The following DENND1B variants were observed in gnomAD, a reference collection of about 807,000 sequenced individuals.
DENND1B encodes the protein DENN domain containing 1B, also known as DENN domain-containing protein 1B.
In DENND1B, 59 loss-of-function variants were observed where a neutral mutation model predicts 90.1. The observed-to-expected ratio is 0.65, with a 90% CI of 0.53 to 0.81. The LOEUF (loss-of-function observed/expected upper bound fraction) is 0.81. DENND1B is among the 40% of genes least tolerant of loss of function. The probability of loss-of-function intolerance (pLI) is 0.00; values close to 1 mark genes in which losing one functional copy is unlikely to be tolerated. For missense variants in DENND1B, 862 were observed against 912.6 expected (o/e 0.94, Z 0.71); for synonymous variants, 337 against 324.6 (o/e 1.04, Z -0.41).
At chr1:197,665,975 T>C (rs1310650048) in intron 5 of DENND1B, among the ~76,000 whole-genome samples, 1 of 152,134 alleles carries the variant, frequency 6.6e-6, no homozygotes, top group Non-Finnish European at 1.5e-5. Context: ...CACAGTAGAA[T>C]ACCTACAAAT....
chr1:197,553,099 C>G lies in DENND1B; in HGVS notation c.1163G>C (p.Arg388Pro). 6.6e-7 allele frequency: 1 copy of G among 1,521,942 alleles called. No individual in the cohort carries two copies. The highest frequency in any genetic ancestry group is 8.8e-7 in the Non-Finnish European group (1 of 1,141,670). 94.3% of individuals were successfully genotyped at this position (1,521,942 alleles called of 1,614,324 possible). A position where few individuals can be genotyped will look rare whatever the true frequency, so the allele number is the denominator to read the frequency against. Reference protein sequence around the residue: ...LQLFKQFIDGRLAKLNAGRGF... With the variant: ...LQLFKQFIDGPLAKLNAGRGF... ...CCTTCCTGCATTTAGTTTTGCCAGT[C>G]GACCATCGATAAACTAGAATTAAAA... The change falls in exon 16 of 23, where the codon CGA (arginine) becomes CCA (proline). Residue 388 changes from arginine (R) to proline (P), a missense_variant. Arg to Pro is a moderately radical substitution (Grantham distance 103). Transcript: ENST00000620048.
At chr1:197,552,679 C>T (rs1671337529) in intron 16 of DENND1B, 2 of 1,047,386 alleles carry the variant, frequency 1.9e-6, no homozygotes, top group African/African-American at 1.7e-5. Flanking sequence ...TCAGTAATAA[C>T]CATCACTAGT....
At chr1:197,777,501 G>C (rs1244253110), upstream of DENND1B, among the ~76,000 whole-genome samples, 1 of 152,150 alleles carries the variant, frequency 6.6e-6, no homozygotes, top group Non-Finnish European at 1.5e-5. Flanking sequence ...CTACATGCAT[G>C]AGGTGTTAAA....
intron 13 of DENND1B, among the ~76,000 whole-genome samples, chr1:197,602,337 T>C (rs1360904773): frequency 1.3e-5 from 2 of 151,506 alleles, no homozygotes; most frequent in South Asian, 2.1e-4. Context: ...TACACCTAGA[T>C]GCCTGAGTTC....
intron 3 of DENND1B, among the ~76,000 whole-genome samples, chr1:197,701,552 G>T (rs1383151493): frequency 6.6e-6 from 1 of 151,194 alleles, no homozygotes; most frequent in East Asian, 1.9e-4. Context: ...CCCTTCCCCG[G>T]CTTTTTTTTT....
At chr1:197,662,564 CT>C (rs1260708740) in intron 5 of DENND1B, among the ~76,000 whole-genome samples, 1 of 151,844 alleles carries the variant, frequency 6.6e-6, no homozygotes, top group Non-Finnish European at 1.5e-5. Context: ...TATAGCGAGC[CT>C]TTTTTAAAAA....
chr1:197,583,817 C>T (rs775429999), intron 14 of DENND1B, among the ~76,000 whole-genome samples: 3 of 152,142 alleles, frequency 2.0e-5, no homozygotes, highest in Non-Finnish European at 4.4e-5. Flanking sequence ...TTTTTGCAAG[C>T]GTCTTGTGGT....
At chr1:197,738,595 G>T (rs972115130) in intron 2 of DENND1B, among the ~76,000 whole-genome samples, 1 of 152,132 alleles carries the variant, frequency 6.6e-6, no homozygotes, top group African/African-American at 2.4e-5. Context: ...GAACTTCCAT[G>T]GTAACTATAT....
chr1:197,511,726 A>G lies in DENND1B; in HGVS notation c.1815+2T>C. 2 of 1,585,728 alleles carry G rather than the reference A, an allele frequency of 1.3e-6. No individual in the cohort carries two copies. Among genetic ancestry groups the G allele is most frequent in the Non-Finnish European group, 1.7e-6 (2 of 1,168,760 alleles). ...TTTATAAGTAAAAAAAAATCTACTA[A>G]CCGTAGGTTTGTAATCAATGTCATC... is the stretch of plus-strand genomic sequence containing the variant. On this transcript the variant is annotated splice_donor_variant, in intron 22 of 22. Transcript: ENST00000620048. LOFTEE classifies it high-confidence loss of function.
At chr1:197,574,401 T>C (rs1374454875) in intron 15 of DENND1B, among the ~76,000 whole-genome samples, 1 of 152,160 alleles carries the variant, frequency 6.6e-6, no homozygotes, top group Non-Finnish European at 1.5e-5. Context: ...GAAGGACCTC[T>C]TCAAGGAGAA....
intron 15 of DENND1B, among the ~76,000 whole-genome samples, chr1:197,555,009 AG>A (rs756486549): frequency 1.1e-4 from 17 of 152,178 alleles, no homozygotes; most frequent in Admixed American, 4.6e-4. Context: ...AACAGAATAG[AG>A]ACACCTGAAA....
At chr1:197,769,299 A>G (rs530903196) in intron 2 of DENND1B, among the ~76,000 whole-genome samples, 4 of 152,116 alleles carry the variant, frequency 2.6e-5, no homozygotes, top group Non-Finnish European at 5.9e-5. Context: ...CTTTACCTCT[A>G]CCCCACCAAT....
chr1:197,780,200 A>T (rs1322405607), upstream of DENND1B, among the ~76,000 whole-genome samples: 2 of 152,134 alleles, frequency 1.3e-5, no homozygotes, highest in African/African-American at 4.8e-5. Flanking sequence ...CTTTATGAAG[A>T]GTATCCTGTT....
At chr1:197,612,898 T>G (rs1481929506) in intron 11 of DENND1B, among the ~76,000 whole-genome samples, 1 of 150,640 alleles carries the variant, frequency 6.6e-6, no homozygotes, top group Non-Finnish European at 1.5e-5. Context: ...AAGAAGAAAA[T>G]TATTCAACTT....
At chr1:197,756,769 G>T (rs988485616) in intron 2 of DENND1B, among the ~76,000 whole-genome samples, 6 of 151,462 alleles carry the variant, frequency 4.0e-5, no homozygotes, top group Admixed American at 2.6e-4. Flanking sequence ...TTAGATACTT[G>T]TGTGTAATAA....
intron 2 of DENND1B, among the ~76,000 whole-genome samples, chr1:197,744,547 G>A (rs865815797): frequency 8.6e-5 from 13 of 152,028 alleles, no homozygotes; most frequent in African/African-American, 1.9e-4. Flanking sequence ...TAGAATATTC[G>A]ATAAGCCATG....
intron 11 of DENND1B, among the ~76,000 whole-genome samples, chr1:197,616,791 C>T (rs957857831): frequency 6.6e-6 from 1 of 151,102 alleles, no homozygotes; most frequent in African/African-American, 2.4e-5. Context: ...TAAGCAAACA[C>T]ATTAAGGTCA....
At chr1:197,513,126 C>A (rs1346353922) in intron 20 of DENND1B, among the ~76,000 whole-genome samples, 173 bp from the exon 21 acceptor site, 1 of 150,358 alleles carries the variant, frequency 6.7e-6, no homozygotes, top group Non-Finnish European at 1.5e-5. Flanking sequence ...GAAAGGGAAG[C>A]AATAAGGTAT....
intron 15 of DENND1B, among the ~76,000 whole-genome samples, chr1:197,566,888 A>G (rs944031841): frequency 6.6e-6 from 1 of 152,122 alleles, no homozygotes; most frequent in African/African-American, 2.4e-5. Flanking sequence ...GAGAGAGGAT[A>G]TTCAAAGCAG....
Sources: gnomAD v4.1 joint callset for allele counts (sites outside exome capture counted in the v4.1 genomes callset) on GRCh38, gnomAD v4.1.1 for gene constraint, MANE v1.5 for transcripts, NCBI Gene and HGNC (gene_info 2026-07-23, HGNC 2026-07-21) for gene names.